The following ABTB3 variants were observed in gnomAD, a reference collection of about 807,000 sequenced individuals.
ABTB3 encodes the protein ankyrin repeat and BTB domain containing 3, also known as ankyrin repeat- and BTB/POZ domain-containing protein 3.
the ABTB3 span, among the ~76,000 whole-genome samples, chr12:107,417,455 G>T: frequency 6.6e-6 from 1 of 152,136 alleles, no homozygotes; most frequent in Non-Finnish European, 1.5e-5. Context: ...CAGTATCTTT[G>T]TAATTCTCCT....
the ABTB3 span, among the ~76,000 whole-genome samples, chr12:107,653,955 C>T: frequency 6.6e-6 from 1 of 152,168 alleles, no homozygotes; most frequent in Non-Finnish European, 1.5e-5. Flanking sequence ...CCTCCCCTCC[C>T]CCAGGCCCGG....
chr12:107,345,886 C>T, the ABTB3 span, among the ~76,000 whole-genome samples: 2 of 152,134 alleles, frequency 1.3e-5, no homozygotes, highest in East Asian at 1.9e-4. Context: ...GATGGCTGCT[C>T]TTTTCGTTCA....
chr12:107,517,508 T>A, the ABTB3 span, among the ~76,000 whole-genome samples: 1 of 152,372 alleles, frequency 6.6e-6, no homozygotes, highest in East Asian at 1.9e-4. Context: ...GAGCTTGGAA[T>A]GTTCTTCCAT....
chr12:107,630,903 A>G, the ABTB3 span, among the ~76,000 whole-genome samples: 1 of 152,228 alleles, frequency 6.6e-6, no homozygotes, highest in Non-Finnish European at 1.5e-5. Flanking sequence ...ATACATTATT[A>G]TGAGCTAAAA....
At chr12:107,343,627 T>C in the ABTB3 span, among the ~76,000 whole-genome samples, 3 of 152,294 alleles carry the variant, frequency 2.0e-5, no homozygotes, top group Admixed American at 6.5e-5. Flanking sequence ...CTGGGATGGT[T>C]ATTATATTAG....
chr12:107,447,280 T>C, the ABTB3 span, among the ~76,000 whole-genome samples: 1 of 152,154 alleles, frequency 6.6e-6, no homozygotes, highest in Admixed American at 6.5e-5. Context: ...GTAGCTGGGA[T>C]TACAGGCATG....
chr12:107,536,840 A>G, the ABTB3 span, among the ~76,000 whole-genome samples: 21 of 152,206 alleles, frequency 1.4e-4, no homozygotes, highest in African/African-American at 5.1e-4. Context: ...AAAACTAAAA[A>G]TAGAACTGCC....
chr12:107,581,012 G>C, the ABTB3 span: 1 of 1,552,190 alleles, frequency 6.4e-7, no homozygotes, highest in Non-Finnish European at 8.7e-7. Flanking sequence ...TCAGAGGCAG[G>C]GTCTCCAGGG....
chr12:107,457,810 C>T, the ABTB3 span, among the ~76,000 whole-genome samples: 20 of 152,258 alleles, frequency 1.3e-4, no homozygotes, highest in East Asian at 5.8e-4. Flanking sequence ...GCCAGTGTGG[C>T]GCAAATGTTC....
At chr12:107,389,846 TTGTGTGTGTGTGTGTGTG>T in the ABTB3 span, among the ~76,000 whole-genome samples, 4 of 141,574 alleles carry the variant, frequency 2.8e-5, no homozygotes, top group Admixed American at 2.1e-4. Flanking sequence ...GTGTGTGTGT[TTGTGTGTGTGTGTGTGTG>T]TGTGTGTGTG....
At chr12:107,508,109 TGGAA>T in the ABTB3 span, among the ~76,000 whole-genome samples, 3 of 145,328 alleles carry the variant, frequency 2.1e-5, no homozygotes, top group Non-Finnish European at 4.5e-5. Flanking sequence ...GATGGATGGA[TGGAA>T]GAGTAGATGT....
chr12:107,616,983 A>G, the ABTB3 span: 4 of 1,145,460 alleles, frequency 3.5e-6, no homozygotes, highest in South Asian at 5.3e-5. Flanking sequence ...ACCAACCTAG[A>G]GGGAGGGAAG....
At chr12:107,596,345 G>A in the ABTB3 span, among the ~76,000 whole-genome samples, 17 of 152,224 alleles carry the variant, frequency 1.1e-4, no homozygotes, top group Non-Finnish European at 1.6e-4. Context: ...CTGGTGCAGT[G>A]GCTCACGCCT....
chr12:107,539,601 C>T, the ABTB3 span, among the ~76,000 whole-genome samples: 1 of 152,154 alleles, frequency 6.6e-6, no homozygotes, highest in Non-Finnish European at 1.5e-5. Flanking sequence ...AGGTGCTCAG[C>T]GTTCAGAATG....
the ABTB3 span, among the ~76,000 whole-genome samples, chr12:107,569,919 C>T: frequency 1.3e-5 from 2 of 152,214 alleles, no homozygotes. Flanking sequence ...AATTTGGCTG[C>T]TTGGGCACCA....
chr12:107,347,016 T>G, the ABTB3 span, among the ~76,000 whole-genome samples: 1 of 152,196 alleles, frequency 6.6e-6, no homozygotes, highest in Non-Finnish European at 1.5e-5. Context: ...CTGGGGGTAA[T>G]CATAGTTTTA....
At chr12:107,624,399 A>G in the ABTB3 span, among the ~76,000 whole-genome samples, 1,088 of 152,242 alleles carry the variant, frequency 7.1e-3, 11 homozygotes, top group African/African-American at 0.025. Context: ...CTATGGTAAA[A>G]TATCACAACC....
At chr12:107,458,327 G>T in the ABTB3 span, among the ~76,000 whole-genome samples, 30 of 152,294 alleles carry the variant, frequency 2.0e-4, no homozygotes, top group South Asian at 5.8e-3. Context: ...ACTTGCATAA[G>T]GTCACTCAGT....
chr12:107,611,192 G>C, the ABTB3 span, among the ~76,000 whole-genome samples: 2 of 151,968 alleles, frequency 1.3e-5, no homozygotes, highest in Non-Finnish European at 2.9e-5. Flanking sequence ...TTATATTAAA[G>C]TTACTTTGCA....
Sources: allele counts gnomAD v4.1 joint callset (sites outside exome capture counted in the v4.1 genomes callset), GRCh38; gene constraint gnomAD v4.1.1; transcripts MANE v1.5; gene names NCBI Gene and HGNC (gene_info 2026-07-23, HGNC 2026-07-21).